The following TUBGCP3 variants were observed in gnomAD, a reference collection of about 807,000 sequenced individuals.
The protein encoded by TUBGCP3 is gamma-tubulin complex component 3.
A neutral mutation model predicts 123.1 loss-of-function variants in TUBGCP3; 50 were observed. The ratio of observed to expected loss-of-function variants is 0.41; its 90% CI spans 0.32 to 0.51. The LOEUF (loss-of-function observed/expected upper bound fraction) is 0.51. TUBGCP3 is among the 20% of genes least tolerant of loss of function. The pLI is 0.36. For missense variants in TUBGCP3, 882 were observed against 1,127.0 expected, an observed-to-expected ratio of 0.78 and a Z score of 3.11; for synonymous variants, 405 against 413.9, an observed-to-expected ratio of 0.98 and a Z score of 0.26.
intron 21 of TUBGCP3, among the ~76,000 whole-genome samples, chr13:112,487,702 G>A (rs150694443): frequency 3.5e-4 from 54 of 152,244 alleles, no homozygotes; most frequent in Non-Finnish European, 6.9e-4. Context: ...GCCTGTTCAC[G>A]GAACATGACT....
intron 3 of TUBGCP3, 29 bp downstream of exon 3, chr13:112,565,082 G>A: frequency 3.1e-6 from 5 of 1,600,912 alleles, no homozygotes; most frequent in East Asian, 2.2e-5. Context: ...AACAATGAGT[G>A]CAATGACCTC....
At chr13:112,554,779 C>T (rs1012684932) in intron 7 of TUBGCP3, 108 bp downstream of exon 7, 20 of 729,180 alleles carry the variant, frequency 2.7e-5, no homozygotes, top group Non-Finnish European at 3.8e-5. Flanking sequence ...ACCTCACAAC[C>T]GATTCGCAAA....
intron 8 of TUBGCP3, among the ~76,000 whole-genome samples, chr13:112,553,458 A>G (rs1879762965): frequency 6.6e-6 from 1 of 152,252 alleles, no homozygotes; most frequent in Non-Finnish European, 1.5e-5. Context: ...CTTAGCCACA[A>G]AGAAGGGCTG....
intron 1 of TUBGCP3, among the ~76,000 whole-genome samples, chr13:112,578,590 C>T (rs1270642660): frequency 8.4e-6 from 1 of 119,494 alleles, no homozygotes; most frequent in African/African-American, 3.2e-5. Flanking sequence ...AAAAAAAGAA[C>T]CTGCTCTCCA....
chr13:112,599,403 T>G, the TUBGCP3 span, among the ~76,000 whole-genome samples: 1 of 152,226 alleles, frequency 6.6e-6, no homozygotes, highest in African/African-American at 2.4e-5. Context: ...TTGTCTATTC[T>G]CCCTCATTTA....
chr13:112,547,618 A>G lies in TUBGCP3; in HGVS notation c.1168+2T>C. 6.6e-7 allele frequency: 1 copy of G among 1,523,792 alleles called. No homozygotes were observed. Among genetic ancestry groups the G allele is most frequent in the Non-Finnish European group, 8.8e-7 (1 of 1,131,322 alleles). The allele number at this position is 1,523,792 out of a possible 1,614,324, so 94.4% of individuals were successfully genotyped here. On this transcript the variant is annotated splice_donor_variant, in intron 10 of 21. Transcript: ENST00000261965. LOFTEE classifies it high-confidence loss of function. ...CGTGCGTGGGAAAGACGCGCGTGGGACCTTGGCAGTGGTCCACTAGGGCCG... is the reference window on the plus strand; with the variant it reads ...CGTGCGTGGGAAAGACGCGCGTGGGGCCTTGGCAGTGGTCCACTAGGGCCG...
At chr13:112,497,598 C>T (rs1330489115) in intron 20 of TUBGCP3, among the ~76,000 whole-genome samples, 1 of 152,208 alleles carries the variant, frequency 6.6e-6, no homozygotes, top group African/African-American at 2.4e-5. Context: ...CAGACACATG[C>T]TGAGAAACGC....
chr13:112,559,298 C>A lies in TUBGCP3; in HGVS notation c.330+24G>T, dbSNP rs779565237. On this transcript the variant is annotated intron_variant, in intron 4 of 21. Coordinates refer to ENST00000261965, the MANE Select transcript of TUBGCP3 (RefSeq NM_006322.6). ...AGCCAGGGTGTCCCGACGGACACGA[C>A]GCTGCAAAGGCAAAGCCACTTACCT... 13 of 1,600,126 alleles carry A rather than the reference C, an allele frequency of 8.1e-6. No individual in the cohort carries two copies. In the South Asian group the frequency reaches 1.5e-4, roughly 18 times the overall value.
Position 112,520,140 on chromosome 13 carries a change from A to AC in TUBGCP3, c.1746-120dup, listed in dbSNP as rs1876492614. On this transcript the variant is annotated intron_variant, in intron 14 of 21. Coordinates refer to ENST00000261965, the MANE Select transcript of TUBGCP3 (RefSeq NM_006322.6). ...TATAAAAACTCAAAAGACAAATGGG[A>AC]CCAATACAATAATGCGGCAACAAAA... is the stretch of plus-strand genomic sequence containing the variant. 3.2e-6 allele frequency: 3 copies of AC among 932,934 alleles called. No individual in the cohort carries two copies. In the East Asian group the frequency reaches 8.2e-5, roughly 26 times the overall value. The allele number at this position is 932,934 out of a possible 1,614,324, so 57.8% of individuals were successfully genotyped here.
chr13:112,524,089 C>T lies in TUBGCP3; in HGVS notation c.1556-1580G>A, dbSNP rs1321333492. ...CCTCAGCATCTGCAGGGGACCAATC[C>T]CACGACCCCCACAGACACCAAAATT... On this transcript the variant is annotated intron_variant, in intron 13 of 21. Transcript: ENST00000261965. The surrounding 1 kb of genome is among the most constrained non-coding windows in gnomAD (Gnocchi z 4.4). Among the ~76,000 whole-genome samples, 1 of 152,150 alleles carries T rather than the reference C, an allele frequency of 6.6e-6. No homozygotes were observed. The highest frequency in any genetic ancestry group is 1.9e-4 in the East Asian group (1 of 5,188).
intron 6 of TUBGCP3, among the ~76,000 whole-genome samples, chr13:112,555,433 G>A (rs982099198): frequency 2.6e-5 from 4 of 152,166 alleles, no homozygotes; most frequent in Non-Finnish European, 4.4e-5. Context: ...AGCAGATTAC[G>A]AGCCAACAGG....
chr13:112,539,379 CA>C (rs2139140615), intron 11 of TUBGCP3, among the ~76,000 whole-genome samples: 1 of 152,270 alleles, frequency 6.6e-6, no homozygotes, highest in African/African-American at 2.4e-5. Context: ...AGATGAGTTA[CA>C]ATGAGATAAA....
At chr13:112,587,768 C>T (rs1196058764) in intron 1 of TUBGCP3, 137 bp downstream of exon 1, 4 of 705,734 alleles carry the variant, frequency 5.7e-6, no homozygotes, top group South Asian at 2.5e-5. Flanking sequence ...CCGGGCCCCA[C>T]GTCCTCGGCC....
chr13:112,549,296 G>A (rs1282450339), intron 8 of TUBGCP3, among the ~76,000 whole-genome samples: 1 of 151,708 alleles, frequency 6.6e-6, no homozygotes, highest in African/African-American at 2.4e-5. Context: ...GAGAACACTT[G>A]GACACAGGGT....
chr13:112,509,455 T>A (rs566438550), intron 17 of TUBGCP3, among the ~76,000 whole-genome samples: 7 of 152,234 alleles, frequency 4.6e-5, no homozygotes, highest in Admixed American at 2.6e-4. Flanking sequence ...CTCCAGATCT[T>A]GAGTACTCAA....
chr13:112,541,280 G>A (rs1390212365), intron 11 of TUBGCP3, among the ~76,000 whole-genome samples: 3 of 152,250 alleles, frequency 2.0e-5, no homozygotes, highest in South Asian at 2.1e-4. Context: ...GGTGGCTCTC[G>A]CCTGTAATCC....
In TUBGCP3 at chr13:112,555,988, A is replaced by C. The variant is rs927506274; in HGVS notation, c.721+64T>G. 34 of 1,541,788 alleles carry C rather than the reference A, an allele frequency of 2.2e-5. No individual in the cohort carries two copies. The Admixed American group carries it at 2.9e-4, about 13-fold the overall frequency. On this transcript the variant is annotated intron_variant, in intron 6 of 21. Coordinates refer to ENST00000261965, the MANE Select transcript of TUBGCP3 (RefSeq NM_006322.6). ...GTGGGGCTCCTGGGCTGTACTTTAAAATAAGGAGAGGCTGAATTCCAAGTG... is the reference window on the plus strand; with the variant it reads ...GTGGGGCTCCTGGGCTGTACTTTAACATAAGGAGAGGCTGAATTCCAAGTG...
At chr13:112,564,993 G>A (rs2139257798) in intron 3 of TUBGCP3, 118 bp downstream of exon 3, 1 of 770,778 alleles carries the variant, frequency 1.3e-6, no homozygotes, top group Non-Finnish European at 2.0e-6. Flanking sequence ...ATAATTAAAA[G>A]CAATTACCAA....
intron 13 of TUBGCP3, among the ~76,000 whole-genome samples, chr13:112,525,703 G>A (rs1876996504): frequency 6.6e-6 from 1 of 152,174 alleles, no homozygotes; most frequent in African/African-American, 2.4e-5. Context: ...CAGGCTGAAC[G>A]CTCATGCGAC....
Sources: gnomAD v4.1 joint callset for allele counts (sites outside exome capture counted in the v4.1 genomes callset) on GRCh38, gnomAD v4.1.1 for gene constraint, Gnocchi (gnomAD v3.1) non-coding constraint, MANE v1.5 for transcripts, NCBI Gene and HGNC (gene_info 2026-07-23, HGNC 2026-07-21) for gene names.